The following STAT4 variants were observed in gnomAD, a reference collection of about 807,000 sequenced individuals.
STAT4 encodes signal transducer and activator of transcription 4.
In STAT4, 42 loss-of-function variants were observed where a neutral mutation model predicts 110.5. The observed-to-expected ratio is 0.38, with a 90% confidence interval of 0.30 to 0.49. The LOEUF (loss-of-function observed/expected upper bound fraction) is 0.49. Among genes scored for constraint, STAT4 ranks in the 20% least tolerant of loss-of-function variants. The pLI is 0.95. For missense variants in STAT4, 632 were observed against 887.9 expected, an observed-to-expected ratio of 0.71 and a Z score of 3.66; for synonymous variants, 284 against 302.2, an observed-to-expected ratio of 0.94 and a Z score of 0.63.
At chr2:191,134,620 C>T (rs1160909549) in intron 3 of STAT4, among the ~76,000 whole-genome samples, 1 of 152,184 alleles carries the variant, frequency 6.6e-6, no homozygotes, top group African/African-American at 2.4e-5. Context: ...ACAGAGACTA[C>T]ACTACTGTAC....
rs781621586 is a variant in STAT4, at chr2:191,033,530, G to A, written c.1812C>T (p.Leu604=). 3.7e-5 allele frequency: 59 copies of A among 1,613,922 alleles called. No homozygotes were observed. The highest frequency in any genetic ancestry group is 2.7e-4 in the East Asian group (12 of 44,886). ...TFLLRFSESH[L]GGITFTWVDH... is the part of the protein sequence containing the mutation. The stretch of plus-strand genomic sequence containing the variant: ...CCACCCAGGTGAAAGTTATTCCTCC[G>A]AGATGGCTTTCACTGAATCTTAATA... The change falls in exon 20 of 24, where the codon CTC becomes CTT. Residue 604 remains leucine (L), a synonymous_variant. Coordinates refer to ENST00000392320, the MANE Select transcript of STAT4 (RefSeq NM_003151.4). This position sits in a 1 kb window ranked among gnomAD's most constrained non-coding sequence, Gnocchi z 6.9.
chr2:191,149,669 G>A (rs1211075914), intron 1 of STAT4, among the ~76,000 whole-genome samples: 1 of 152,118 alleles, frequency 6.6e-6, no homozygotes. Flanking sequence ...TGAACCATTT[G>A]TTTTTCCAGA....
At chr2:191,100,827 T>C (rs1387342940) in intron 3 of STAT4, among the ~76,000 whole-genome samples, 1 of 151,840 alleles carries the variant, frequency 6.6e-6, no homozygotes, top group African/African-American at 2.4e-5. Context: ...TTATATATTT[T>C]ATAACCTCTG....
rs1246603378 is a variant in STAT4, at chr2:191,077,144, T to C, written c.274-819A>G. Among the ~76,000 whole-genome samples, 1 of 152,228 alleles carries C rather than the reference T, an allele frequency of 6.6e-6. No homozygotes were observed. The highest frequency in any genetic ancestry group is 1.5e-5 in the Non-Finnish European group (1 of 68,042). On this transcript the variant is annotated intron_variant, in intron 3 of 23. Transcript: ENST00000392320. This position sits in a 1 kb window ranked among gnomAD's most constrained non-coding sequence, Gnocchi z 4.1. The stretch of plus-strand genomic sequence containing the variant: ...GACATCTAAGCATATACATCTTTTA[T>C]TACCAAGGTTAATGATGCAGATACT...
Position 191,116,211 on chromosome 2 carries a change from CT to C in STAT4, c.273+30401del, listed in dbSNP as rs1222175763. ...AGATCACATATGTACCCTTTGTTCA[CT>C]GATGCTGACAAGAGGGAATTGGTTT... is the stretch of plus-strand genomic sequence containing the variant. On this transcript the variant is annotated intron_variant, in intron 3 of 23. Transcript: ENST00000392320. This position sits in a 1 kb window ranked among gnomAD's most constrained non-coding sequence, Gnocchi z 4.1. Among the ~76,000 whole-genome samples, 3 of 152,182 alleles carry C rather than the reference CT, an allele frequency of 2.0e-5. No homozygotes were observed.
intron 13 of STAT4, among the ~76,000 whole-genome samples, chr2:191,055,365 ATTTTTTTTTTTTTTTT>A (rs371295889): frequency 3.1e-5 from 3 of 96,926 alleles, no homozygotes; most frequent in South Asian, 7.3e-4. Context: ...AGCCTGGCTA[ATTTTTTTTTTTTTTTT>A]TTTTTTTTTT....
Position 191,061,452 on chromosome 2 carries a change from A to G in STAT4, c.1034+277T>C, listed in dbSNP as rs1696845938. The stretch of plus-strand genomic sequence containing the variant: ...ATCTCTCCAGTCTTTTCTCAAGTCA[A>G]CCTTTTCAGCAATTAATTTCATTGT... On this transcript the variant is annotated intron_variant, in intron 10 of 23. Coordinates refer to ENST00000392320, the MANE Select transcript of STAT4 (RefSeq NM_003151.4). This position sits in a 1 kb window ranked among gnomAD's most constrained non-coding sequence, Gnocchi z 6.2. Among the ~76,000 whole-genome samples, 1 of 152,096 alleles carries G rather than the reference A, an allele frequency of 6.6e-6. No individual in the cohort carries two copies. The highest frequency in any genetic ancestry group is 1.5e-5 in the Non-Finnish European group (1 of 68,018).
chr2:191,062,631 G>A lies in STAT4; in HGVS notation c.941+131C>T. The A allele has an allele frequency of 1.1e-6, 1 of 934,102 alleles. No individual in the cohort carries two copies. The highest frequency in any genetic ancestry group is 1.6e-6 in the Non-Finnish European group (1 of 624,128). The allele number at this position is 934,102 out of a possible 1,614,324, so 57.9% of individuals were successfully genotyped here. A position where few individuals can be genotyped will look rare whatever the true frequency, so the allele number is the denominator to read the frequency against. On this transcript the variant is annotated intron_variant, in intron 9 of 23. Coordinates refer to ENST00000392320, the MANE Select transcript of STAT4 (RefSeq NM_003151.4). The surrounding 1 kb of genome is among the most constrained non-coding windows in gnomAD (Gnocchi z 4.9). ...AATGTGGTTTCTAAAACTTTCTGGG[G>A]TTCTATTCACTTCTCCCTGAGGCTC...
Position 191,033,116 on chromosome 2 carries a change from T to C in STAT4, c.1886A>G (p.Asn629Ser). Residue 629 changes from asparagine to serine, a missense_variant, in exon 21 of 24, where the codon AAT becomes AGT. Physicochemically the swap from Asn to Ser is conservative, Grantham distance 46 (BLOSUM62 1). Around this residue, in one of 4 missense-constraint regions of STAT4, gnomAD observed 74 missense variants for 154.3 expected, o/e 0.48. Coordinates refer to ENST00000392320, the MANE Select transcript of STAT4 (RefSeq NM_003151.4). This position sits in a 1 kb window ranked among gnomAD's most constrained non-coding sequence, Gnocchi z 6.9. Reference protein sequence around the residue: ...EVRFHSVEPYNKGRLSALPFA... With the variant: ...EVRFHSVEPYSKGRLSALPFA... ...TGGCAGAGCAGACAACCGGCCTTTA[T>C]TGTAGGGTTCTACAGAGTGGAATCT... 1 of 1,614,158 alleles carries C rather than the reference T, an allele frequency of 6.2e-7. No homozygotes were observed. Among genetic ancestry groups the C allele is most frequent in the Non-Finnish European group, 8.5e-7 (1 of 1,180,020 alleles).
At chr2:191,127,186 G>A (rs569433965) in intron 3 of STAT4, among the ~76,000 whole-genome samples, 1 of 152,082 alleles carries the variant, frequency 6.6e-6, no homozygotes, top group Admixed American at 6.5e-5. Context: ...AGCAGACAAG[G>A]GGTGGGTCTT....
intron 18 of STAT4, among the ~76,000 whole-genome samples, chr2:191,034,228 C>T (rs1284685168): frequency 1.3e-5 from 2 of 152,068 alleles, no homozygotes; most frequent in African/African-American, 4.8e-5. Context: ...TGAGACCATC[C>T]TGACTAACAC....
intron 1 of STAT4, among the ~76,000 whole-genome samples, chr2:191,148,483 T>C (rs1402238748): frequency 1.3e-5 from 2 of 152,018 alleles, no homozygotes; most frequent in Non-Finnish European, 2.9e-5. Context: ...CCCCACATCC[T>C]GCCCACAGCT....
At chr2:191,097,925 C>A (rs186782988) in intron 3 of STAT4, among the ~76,000 whole-genome samples, 9,174 of 151,628 alleles carry the variant, frequency 0.061, 441 homozygotes, top group Non-Finnish European at 0.094. Context: ...AAAAAAAAAC[C>A]AACCAACCTA....
chr2:191,054,169 T>TGTGAAAAA (rs1696609152), intron 14 of STAT4, among the ~76,000 whole-genome samples: 1 of 131,258 alleles, frequency 7.6e-6, no homozygotes, highest in Non-Finnish European at 1.6e-5. Flanking sequence ...TACATTGCTA[T>TGTGAAAAA]GTGAAAAAAG....
At chr2:191,137,799 A>G (rs1699219112) in intron 3 of STAT4, among the ~76,000 whole-genome samples, 1 of 152,108 alleles carries the variant, frequency 6.6e-6, no homozygotes, top group Non-Finnish European at 1.5e-5. Context: ...TCGTGGTGGG[A>G]TATCCCTACA....
chr2:191,137,948 G>A (rs1353288598), intron 3 of STAT4, among the ~76,000 whole-genome samples: 2 of 152,072 alleles, frequency 1.3e-5, no homozygotes, highest in African/African-American at 2.4e-5. Context: ...ATTGGTCTAG[G>A]CAAAGATTTT....
At chr2:191,057,942 G>C in intron 13 of STAT4, 76 bp downstream of exon 13, 1 of 1,233,430 alleles carries the variant, frequency 8.1e-7, no homozygotes, top group Non-Finnish European at 1.2e-6. Context: ...AAAACATACT[G>C]AATTATAAGG....
At chr2:191,136,490 G>T (rs1300806094) in intron 3 of STAT4, among the ~76,000 whole-genome samples, 1 of 152,194 alleles carries the variant, frequency 6.6e-6, no homozygotes. Flanking sequence ...TGTGGCTTAC[G>T]CTTGTAATCC....
chr2:191,041,916 G>C (rs1696209980), intron 14 of STAT4, among the ~76,000 whole-genome samples: 1 of 152,162 alleles, frequency 6.6e-6, no homozygotes, highest in African/African-American at 2.4e-5. Context: ...CTACATTCTG[G>C]GAACAAGGTC....
Sources: gnomAD v4.1 joint callset for allele counts (sites outside exome capture counted in the v4.1 genomes callset) on GRCh38, gnomAD v4.1.1 for gene constraint, gnomAD v4.1.1 regional missense constraint, Gnocchi (gnomAD v3.1) non-coding constraint, MANE v1.5 for transcripts, NCBI Gene and HGNC (gene_info 2026-07-23, HGNC 2026-07-21) for gene names.